The following HIBADH variants were observed in gnomAD, a reference collection of about 807,000 sequenced individuals.
HIBADH encodes the protein 3-hydroxyisobutyrate dehydrogenase.
In HIBADH, 25 loss-of-function variants were observed where a neutral mutation model predicts 36.1. That is an observed-to-expected ratio of 0.69 (90% CI 0.50 to 0.97). HIBADH has a LOEUF of 0.97. Among genes scored for constraint, HIBADH ranks in the 50% least tolerant of loss-of-function variants. The pLI is 0.00. For missense variants in HIBADH, 421 were observed against 418.0 expected (o/e 1.01, Z -0.06); for synonymous variants, 160 against 149.5 (o/e 1.07, Z -0.51).
chr7:27,571,925 CT>C (rs1784633990), intron 4 of HIBADH, among the ~76,000 whole-genome samples: 1 of 152,172 alleles, frequency 6.6e-6, no homozygotes, highest in South Asian at 2.1e-4. Flanking sequence ...TACTTTATTT[CT>C]CAACCTGTAA....
intron 7 of HIBADH, 43 bp downstream of exon 7, chr7:27,531,149 G>A (rs777198046): frequency 1.3e-6 from 2 of 1,550,468 alleles, no homozygotes; most frequent in Non-Finnish European, 1.8e-6. Context: ...ATTGGACCGT[G>A]AAACGTTTTT....
At chr7:27,542,452 T>G (rs1172368661) in intron 5 of HIBADH, among the ~76,000 whole-genome samples, 2 of 142,390 alleles carry the variant, frequency 1.4e-5, no homozygotes, top group South Asian at 2.3e-4. Context: ...TTTTTTTTTT[T>G]TTTTTTTTTT....
chr7:27,626,018 G>C (rs1785635213), intron 4 of HIBADH, among the ~76,000 whole-genome samples: 1 of 144,360 alleles, frequency 6.9e-6, no homozygotes, highest in African/African-American at 2.6e-5. Context: ...AGGGAGAACT[G>C]CTTGACCCTG....
intron 1 of HIBADH, among the ~76,000 whole-genome samples, chr7:27,655,746 A>AT (rs1466693300): frequency 5.5e-5 from 3 of 54,638 alleles, no homozygotes; most frequent in African/African-American, 3.4e-4. Context: ...AAATATGTAA[A>AT]TTACCCCCCA....
intron 4 of HIBADH, among the ~76,000 whole-genome samples, chr7:27,617,482 A>C (rs779058340): frequency 4.6e-5 from 7 of 152,188 alleles, no homozygotes; most frequent in Non-Finnish European, 7.3e-5. Context: ...CCTGGTTGAA[A>C]ATGGCTGACG....
At chr7:27,640,049 T>G (rs543872615) in intron 2 of HIBADH, among the ~76,000 whole-genome samples, 1 of 152,332 alleles carries the variant, frequency 6.6e-6, no homozygotes, top group Non-Finnish European at 1.5e-5. Context: ...AGGACTTTGG[T>G]CACCGCCACC....
intron 4 of HIBADH, among the ~76,000 whole-genome samples, chr7:27,605,155 G>C (rs1785196791): frequency 6.6e-6 from 1 of 151,884 alleles, no homozygotes. Context: ...CATAAAAATA[G>C]AACATGAATA....
intron 1 of HIBADH, among the ~76,000 whole-genome samples, chr7:27,657,520 G>C (rs1270187924): frequency 6.6e-6 from 1 of 152,120 alleles, no homozygotes; most frequent in South Asian, 2.1e-4. Flanking sequence ...TAAGATCCTA[G>C]AAAAACTGAA....
intron 4 of HIBADH, among the ~76,000 whole-genome samples, chr7:27,610,782 T>C (rs1280916812): frequency 1.3e-5 from 2 of 152,170 alleles, no homozygotes; most frequent in African/African-American, 4.8e-5. Context: ...GAAAACGTTT[T>C]AATGGAAATG....
At position 27,533,014 on chromosome 7, in the gene HIBADH, AG is replaced by A. The variant is rs545171140; in HGVS notation, c.696-1667del. The stretch of plus-strand genomic sequence containing the variant: ...CATACATCTAATATGCTCCATAAGG[AG>A]AAAATACTTTTAAAGACTCCAAAAC... On this transcript the variant is annotated intron_variant, in intron 6 of 7. Transcript: ENST00000265395. 3.2e-3 allele frequency among the ~76,000 whole-genome samples: 487 copies of A among 152,308 alleles called. 6 individuals carry two copies. Among genetic ancestry groups the A allele is most frequent in the African/African-American group, 0.011 (458 of 41,574 alleles).
intron 7 of HIBADH, 88 bp from the exon 8 acceptor site, chr7:27,526,460 G>T: frequency 9.8e-7 from 1 of 1,019,862 alleles, no homozygotes. Flanking sequence ...TTTGAAAGAA[G>T]GAAAAATGTA....
intron 4 of HIBADH, among the ~76,000 whole-genome samples, chr7:27,608,698 C>T (rs1785273592): frequency 6.6e-6 from 1 of 152,094 alleles, no homozygotes; most frequent in Non-Finnish European, 1.5e-5. Context: ...GCTTAGAAAT[C>T]AATAGATGTT....
chr7:27,539,454 AGAG>A (rs1447836201), intron 5 of HIBADH, among the ~76,000 whole-genome samples: 1 of 151,702 alleles, frequency 6.6e-6, no homozygotes, highest in African/African-American at 2.4e-5. Flanking sequence ...AAAAGCATTA[AGAG>A]GAGGAGAGAG....
At chr7:27,595,834 C>T (rs929986234) in intron 4 of HIBADH, among the ~76,000 whole-genome samples, 9 of 151,930 alleles carry the variant, frequency 5.9e-5, no homozygotes, top group Non-Finnish European at 1.3e-4. Context: ...TTAGCAATCA[C>T]TTTTTAAAAA....
chr7:27,593,465 G>A (rs577911626), intron 4 of HIBADH, among the ~76,000 whole-genome samples: 102 of 152,098 alleles, frequency 6.7e-4, no homozygotes, highest in African/African-American at 2.3e-3. Flanking sequence ...CATAATATTG[G>A]TTGAGGAAAT....
intron 4 of HIBADH, among the ~76,000 whole-genome samples, chr7:27,621,570 TC>T (rs1785544099): frequency 6.6e-6 from 1 of 151,922 alleles, no homozygotes; most frequent in South Asian, 2.1e-4. Context: ...GGCAGGCAGA[TC>T]ACTTGAGGTC....
chr7:27,577,318 C>T (rs1208656335), intron 4 of HIBADH, among the ~76,000 whole-genome samples: 2 of 148,510 alleles, frequency 1.3e-5, no homozygotes, highest in Non-Finnish European at 1.5e-5. Flanking sequence ...CATGCGCCAC[C>T]ACACCTGACT....
At chr7:27,650,836 G>A (rs1015469586) in intron 1 of HIBADH, among the ~76,000 whole-genome samples, 2 of 152,034 alleles carry the variant, frequency 1.3e-5, no homozygotes, top group African/African-American at 4.8e-5. Flanking sequence ...ACAGAGTGGG[G>A]AGGCTTTACA....
At chr7:27,588,966 A>C (rs980464467) in intron 4 of HIBADH, among the ~76,000 whole-genome samples, 1 of 152,128 alleles carries the variant, frequency 6.6e-6, no homozygotes, top group Non-Finnish European at 1.5e-5. Context: ...CAGTTTTTTT[A>C]AATTATACTA....
Sources: allele counts gnomAD v4.1 joint callset (sites outside exome capture counted in the v4.1 genomes callset), GRCh38; gene constraint gnomAD v4.1.1; transcripts MANE v1.5; gene names NCBI Gene and HGNC (gene_info 2026-07-23, HGNC 2026-07-21).